CPNE4: variants seen among roughly 807,000 people sequenced by gnomAD.
CPNE4 encodes the protein copine 4.
In CPNE4, 25 loss-of-function variants were observed where a neutral mutation model predicts 67.9. The ratio of observed to expected loss-of-function variants is 0.37; its 90% CI spans 0.27 to 0.51. The LOEUF is 0.51. Ranked by LOEUF, CPNE4 falls within the 20% of genes least tolerant of loss-of-function variation. The pLI is 0.93. For synonymous variants in CPNE4, 242 were observed against 244.9 expected (o/e 0.99, Z 0.11); for missense variants, 464 against 690.8 (o/e 0.67, Z 3.68).
chr3:131,698,909 C>CAA (rs750798265), intron 4 of CPNE4, among the ~76,000 whole-genome samples: 3,301 of 86,420 alleles, frequency 0.038, 166 homozygotes, highest in African/African-American at 0.11. Flanking sequence ...GACACTGTCT[C>CAA]AAAAAAAAAA....
At position 131,600,597 on chromosome 3, in the gene CPNE4, A is replaced by T. The variant is rs138216014; in HGVS notation, c.682-13015T>A. Among the ~76,000 whole-genome samples, 90 of 151,782 alleles carry T rather than the reference A, an allele frequency of 5.9e-4. 1 individual carries two copies. Among genetic ancestry groups the T allele is most frequent in the African/African-American group, 1.7e-3 (71 of 41,200 alleles). The stretch of plus-strand genomic sequence containing the variant: ...GTTTGTGCACAGTCATCCGCCACTC[A>T]TTTTCCCTGCCTAGCCTATTCTCCC... On this transcript the variant is annotated intron_variant, in intron 7 of 15. Transcript: ENST00000429747.
chr3:132,000,525 T>G (rs1020410541), intron 1 of CPNE4, among the ~76,000 whole-genome samples: 12 of 151,512 alleles, frequency 7.9e-5, no homozygotes, highest in African/African-American at 2.7e-4. Flanking sequence ...AATATCAAAT[T>G]TATTAGTTAC....
At chr3:131,801,409 T>A in intron 2 of CPNE4, among the ~76,000 whole-genome samples, 1 of 85,450 alleles carries the variant, frequency 1.2e-5, no homozygotes, top group East Asian at 4.1e-4. Flanking sequence ...TATAGGTACA[T>A]ATATACGTGT....
intron 2 of CPNE4, among the ~76,000 whole-genome samples, chr3:131,778,107 C>A (rs781273327): frequency 6.6e-6 from 1 of 152,088 alleles, no homozygotes; most frequent in Non-Finnish European, 1.5e-5. Flanking sequence ...GATTAGCATT[C>A]GACTCTGAAC....
intron 6 of CPNE4, among the ~76,000 whole-genome samples, chr3:131,680,752 G>T (rs2080728249): frequency 6.6e-6 from 1 of 152,058 alleles, no homozygotes; most frequent in Admixed American, 6.6e-5. Flanking sequence ...TGATTTGTGA[G>T]ATTTGGTGCA....
intron 2 of CPNE4, among the ~76,000 whole-genome samples, chr3:131,864,616 TG>T (rs201257306): frequency 0.32 from 48,462 of 151,452 alleles, 8,294 homozygotes; most frequent in African/African-American, 0.42. Flanking sequence ...GCTGAGATGA[TG>T]GGGTTTTCTA....
chr3:131,779,495 A>C (rs962022501), intron 2 of CPNE4, among the ~76,000 whole-genome samples: 1 of 152,158 alleles, frequency 6.6e-6, no homozygotes, highest in Non-Finnish European at 1.5e-5. Context: ...CACATAGACC[A>C]ATAGAACAGG....
chr3:131,660,248 A>T (rs2107640601), intron 7 of CPNE4, among the ~76,000 whole-genome samples: 1 of 152,328 alleles, frequency 6.6e-6, no homozygotes, highest in East Asian at 1.9e-4. Flanking sequence ...TCACTAATGA[A>T]AAAGTTATTT....
chr3:132,032,061 A>C (rs1030388496), intron 1 of CPNE4, among the ~76,000 whole-genome samples: 4 of 152,208 alleles, frequency 2.6e-5, no homozygotes, highest in Non-Finnish European at 4.4e-5. Context: ...AACCTCTAAA[A>C]CCAGAGTCCC....
chr3:131,824,456 A>C lies in CPNE4; in HGVS notation c.180+80808T>G, dbSNP rs563599838. ...CATCAGCAACCTTTGAAAATACAAC[A>C]TGATGAAAATACAGCATGACCTGGT... On this transcript the variant is annotated intron_variant, in intron 2 of 15. Transcript: ENST00000429747. Among the ~76,000 whole-genome samples, 3 of 152,320 alleles carry C rather than the reference A, an allele frequency of 2.0e-5. No individual in the cohort carries two copies. In the East Asian group the frequency reaches 5.8e-4, roughly 29 times the overall value.
intron 5 of CPNE4, 79 bp from the exon 6 acceptor site, chr3:131,686,037 A>G: frequency 2.6e-6 from 2 of 781,196 alleles, no homozygotes; most frequent in Non-Finnish European, 4.3e-6. Context: ...TATTTAATCA[A>G]CAGGAAAACC....
intron 2 of CPNE4, among the ~76,000 whole-genome samples, chr3:131,777,051 C>T (rs1256458409): frequency 6.6e-6 from 1 of 152,120 alleles, no homozygotes; most frequent in East Asian, 1.9e-4. Flanking sequence ...GGTCCTCTTG[C>T]TCTCAAAGGT....
chr3:131,945,001 G>T (rs1176028554), intron 1 of CPNE4, among the ~76,000 whole-genome samples: 1 of 152,116 alleles, frequency 6.6e-6, no homozygotes, highest in Non-Finnish European at 1.5e-5. Context: ...TAGATTTTTA[G>T]ATAAGTATGT....
chr3:131,590,893 C>T (rs551887809), intron 7 of CPNE4, among the ~76,000 whole-genome samples: 11 of 152,274 alleles, frequency 7.2e-5, no homozygotes, highest in African/African-American at 2.6e-4. Flanking sequence ...TGCAATGTAG[C>T]TTTGACAGGA....
chr3:131,939,899 A>G (rs1304918365), intron 1 of CPNE4, among the ~76,000 whole-genome samples: 1 of 152,156 alleles, frequency 6.6e-6, no homozygotes, highest in Non-Finnish European at 1.5e-5. Context: ...TCAGGTAGGT[A>G]TTAATAGTAT....
intron 11 of CPNE4, among the ~76,000 whole-genome samples, chr3:131,558,786 T>A (rs567851400): frequency 1.3e-5 from 2 of 151,956 alleles, no homozygotes; most frequent in East Asian, 3.9e-4. Flanking sequence ...AAAACTGTTC[T>A]CTGAAGCAGA....
rs566703592 is a variant in CPNE4, at chr3:131,968,738, C to A, written c.-1-63294G>T. On this transcript the variant is annotated intron_variant, in intron 1 of 15. Coordinates refer to ENST00000429747, the MANE Select transcript of CPNE4 (RefSeq NM_130808.3). Reference sequence around the variant, plus strand: ...TGGAGAGGATGTGGAGAAATAGGAACACTTTTTTACACTGTTGGTGGGAGT... The same window carrying A: ...TGGAGAGGATGTGGAGAAATAGGAAAACTTTTTTACACTGTTGGTGGGAGT... Among the ~76,000 whole-genome samples, 18 of 152,236 alleles carry A rather than the reference C, an allele frequency of 1.2e-4. No individual in the cohort carries two copies. The South Asian group carries it at 1.7e-3, about 14-fold the overall frequency.
chr3:131,747,705 G>T (rs1206370505), intron 2 of CPNE4, among the ~76,000 whole-genome samples: 1 of 152,074 alleles, frequency 6.6e-6, no homozygotes, highest in African/African-American at 2.4e-5. Context: ...GTATAGAAAT[G>T]CAACTGACTT....
chr3:131,663,143 G>A (rs2080169343), intron 7 of CPNE4, among the ~76,000 whole-genome samples: 2 of 152,184 alleles, frequency 1.3e-5, no homozygotes, highest in Non-Finnish European at 1.5e-5. Flanking sequence ...AAAGAAGAAT[G>A]AGTTCATGTC....
Sources: allele counts gnomAD v4.1 joint callset (sites outside exome capture counted in the v4.1 genomes callset), GRCh38; gene constraint gnomAD v4.1.1; transcripts MANE v1.5; gene names NCBI Gene and HGNC (gene_info 2026-07-23, HGNC 2026-07-21).